The following ASXL1 variants were observed in gnomAD, a reference collection of about 807,000 sequenced individuals.
ASXL1 encodes the protein polycomb group protein ASXL1.
A neutral mutation model predicts 89.1 loss-of-function variants in ASXL1; 65 were observed. The ratio of observed to expected loss-of-function variants is 0.73; its 90% CI spans 0.60 to 0.90. The LOEUF (loss-of-function observed/expected upper bound fraction) is 0.90, where lower values mean the gene tolerates loss of function less well. Among genes scored for constraint, ASXL1 ranks in the 40% least tolerant of loss-of-function variants. The probability of loss-of-function intolerance (pLI) is 0.00; values close to 1 mark genes in which losing one functional copy is unlikely to be tolerated. For missense variants in ASXL1, 1,786 were observed against 1,942.9 expected (o/e 0.92, Z 1.52); for synonymous variants, 739 against 746.9 (o/e 0.99, Z 0.17).
intron 4 of ASXL1, among the ~76,000 whole-genome samples, chr20:32,407,657 G>A (rs142189187): frequency 3.3e-5 from 5 of 152,126 alleles, no homozygotes; most frequent in East Asian, 3.9e-4. Context: ...TAGAGATGAC[G>A]TCTCACTATG....
At chr20:32,415,820 G>A (rs2049128935) in intron 4 of ASXL1, among the ~76,000 whole-genome samples, 1 of 151,706 alleles carries the variant, frequency 6.6e-6, no homozygotes, top group African/African-American at 2.4e-5. Context: ...TTCCCTTATA[G>A]TCATTCTAGT....
rs1256319244 is a variant in ASXL1, at chr20:32,436,380, C to T, written c.3668C>T (p.Ser1223Phe). 4 of 1,613,602 alleles carry T rather than the reference C, an allele frequency of 2.5e-6. No homozygotes were observed. Among genetic ancestry groups the T allele is most frequent in the Non-Finnish European group, 3.4e-6 (4 of 1,180,038 alleles). The change falls in exon 13 of 13, where the codon TCT (serine) becomes TTT (phenylalanine). Residue 1223 changes from serine (S) to phenylalanine (F), a missense_variant. Ser to Phe is a radical substitution (Grantham distance 155). Coordinates refer to ENST00000375687, the MANE Select transcript of ASXL1 (RefSeq NM_015338.6). Reference sequence around the variant, plus strand: ...CCAGTGACAAATCCCATTACATCCTCTAGGAAACTGGAAGAAATGGATTCC... The same window carrying T: ...CCAGTGACAAATCCCATTACATCCTTTAGGAAACTGGAAGAAATGGATTCC... ...LHPVTNPITS[S>F]RKLEEMDSKE...
intron 4 of ASXL1, among the ~76,000 whole-genome samples, chr20:32,384,548 T>C (rs922319248): frequency 6.6e-6 from 1 of 152,164 alleles, no homozygotes; most frequent in Non-Finnish European, 1.5e-5. Flanking sequence ...AAAGGTTCCT[T>C]CTTTGACTAA....
At chr20:32,384,867 A>G (rs2048550913) in intron 4 of ASXL1, among the ~76,000 whole-genome samples, 1 of 152,032 alleles carries the variant, frequency 6.6e-6, no homozygotes, top group African/African-American at 2.4e-5. Flanking sequence ...TTTTTTTGGA[A>G]CAAGAAGGTT....
chr20:32,377,948 T>A (rs147873994), intron 4 of ASXL1, among the ~76,000 whole-genome samples: 2,129 of 142,590 alleles, frequency 0.015, 29 homozygotes, highest in Admixed American at 0.024. Context: ...CCACCGCACC[T>A]GGCCCCAAAA....
chr20:32,415,304 C>T (rs1002219631), intron 4 of ASXL1, among the ~76,000 whole-genome samples: 2 of 152,138 alleles, frequency 1.3e-5, no homozygotes, highest in Non-Finnish European at 2.9e-5. Flanking sequence ...CCACCATGCC[C>T]AGCCTGCGTC....
intron 4 of ASXL1, among the ~76,000 whole-genome samples, chr20:32,383,787 A>T (rs2048530323): frequency 2.0e-5 from 3 of 152,216 alleles, no homozygotes; most frequent in Non-Finnish European, 1.5e-5. Flanking sequence ...GTAAAACGCT[A>T]GTATCCCATG....
At chr20:32,388,401 C>T (rs965808827) in intron 4 of ASXL1, among the ~76,000 whole-genome samples, 1 of 152,246 alleles carries the variant, frequency 6.6e-6, no homozygotes, top group African/African-American at 2.4e-5. Flanking sequence ...GTCTCGAACT[C>T]CTGACCTCAG....
chr20:32,390,830 T>A (rs2048658218), intron 4 of ASXL1, among the ~76,000 whole-genome samples: 1 of 152,238 alleles, frequency 6.6e-6, no homozygotes, highest in Non-Finnish European at 1.5e-5. Context: ...TCTGGCGTCT[T>A]TTACTTAGTG....
chr20:32,377,673 G>A (rs1372961532), intron 4 of ASXL1, among the ~76,000 whole-genome samples: 1 of 151,072 alleles, frequency 6.6e-6, no homozygotes, highest in Non-Finnish European at 1.5e-5. Flanking sequence ...TTTTTTTTGA[G>A]ACGGAGTCTC....
intron 4 of ASXL1, among the ~76,000 whole-genome samples, chr20:32,394,618 GA>G (rs1204048896): frequency 6.6e-6 from 1 of 152,072 alleles, no homozygotes; most frequent in Non-Finnish European, 1.5e-5. Context: ...TTTCCCTTCA[GA>G]CTTTGTGCTA....
rs1267631902 is a variant in ASXL1, at chr20:32,358,539, T to C, written c.-237T>C. The C allele has an allele frequency of 9.2e-6, 2 of 217,708 alleles. No homozygotes were observed. Among genetic ancestry groups the C allele is most frequent in the Non-Finnish European group, 1.8e-5 (2 of 108,320 alleles). The allele number at this position is 217,708 out of a possible 1,614,324, so 13.5% of individuals were successfully genotyped here. ...CGCGGGGCAGCCGCCGCTGCCGCCG[T>C]GGGCGACTGACGCAGCGCGGGCGCG... On this transcript the variant is annotated 5_prime_UTR_variant, in exon 1 of 13. Transcript: ENST00000375687.
rs201649676 is a variant in ASXL1 at position 32,434,640 on chromosome 20, G to T, written c.1928G>T (p.Gly643Val). 593 of 1,607,430 alleles carry T rather than the reference G, an allele frequency of 3.7e-4. No individual in the cohort carries two copies. Among genetic ancestry groups the T allele is most frequent in the Non-Finnish European group, 4.6e-4 (537 of 1,176,860 alleles). The change falls in exon 13 of 13, where the codon GGG becomes GTG. Residue 643 changes from glycine to valine, a missense_variant. By Grantham distance (109) the Gly-to-Val change is moderately radical. Transcript: ENST00000375687. ...HREAATTAIGGGGGPGGGGGG... is the reference protein window; with the variant it reads ...HREAATTAIGVGGGPGGGGGG... ...GAGGCGGCCACCACTGCCATCGGAG[G>T]GGGGGGTGGCCCGGGTGGAGGTGGC...
chr20:32,428,898 T>C lies in ASXL1; in HGVS notation c.472-440T>C, dbSNP rs147261931. 510 of 303,476 alleles carry C rather than the reference T, an allele frequency of 1.7e-3. 2 individuals carry two copies. Among genetic ancestry groups the C allele is most frequent in the Middle Eastern group, 0.015 (13 of 856 alleles). 18.8% of individuals were successfully genotyped at this position (303,476 alleles called of 1,614,324 possible). Reference sequence around the variant, plus strand: ...CTAGTCTCGAATTCCTGACCTCAAGTGGTCTGTCCACCTCAGCCTCCCAAA... The same window carrying C: ...CTAGTCTCGAATTCCTGACCTCAAGCGGTCTGTCCACCTCAGCCTCCCAAA... On this transcript the variant is annotated intron_variant, in intron 6 of 12. Transcript: ENST00000375687.
Position 32,358,729 on chromosome 20 carries a change from CAG to C in ASXL1, c.-46_-45del. On this transcript the variant is annotated 5_prime_UTR_variant, in exon 1 of 13. Transcript: ENST00000375687. ...CCCCGCGCCACCGCCCCAGCCCGCC[CAG>C]CCCGGAGGTCCCGCGTGGAGCTGCC... 26 of 1,245,928 alleles carry C rather than the reference CAG, an allele frequency of 2.1e-5. No homozygotes were observed. The highest frequency in any genetic ancestry group is 2.6e-5 in the Non-Finnish European group (24 of 923,410). 77.2% of individuals were successfully genotyped at this position (1,245,928 alleles called of 1,614,324 possible).
chr20:32,370,677 A>G (rs1040676933), intron 4 of ASXL1, among the ~76,000 whole-genome samples: 1 of 152,168 alleles, frequency 6.6e-6, no homozygotes, highest in African/African-American at 2.4e-5. Flanking sequence ...ACAAATACCA[A>G]CTATATAACA....
intron 1 of ASXL1, among the ~76,000 whole-genome samples, chr20:32,363,526 A>G (rs2048156824): frequency 6.6e-6 from 1 of 152,264 alleles, no homozygotes; most frequent in South Asian, 2.1e-4. Context: ...GTGTTATCAT[A>G]GTTGTATAAA....
intron 3 of ASXL1, among the ~76,000 whole-genome samples, chr20:32,368,123 T>G (rs2048237102): frequency 6.6e-6 from 1 of 152,166 alleles, no homozygotes; most frequent in South Asian, 2.1e-4. Flanking sequence ...GAGGCTTACT[T>G]AAGCTATTTA....
intron 4 of ASXL1, among the ~76,000 whole-genome samples, chr20:32,392,097 C>A (rs1271212347): frequency 6.6e-6 from 1 of 151,670 alleles, no homozygotes; most frequent in Non-Finnish European, 1.5e-5. Flanking sequence ...TGGGTTAAGT[C>A]CACCATCTAG....
Sources: allele counts gnomAD v4.1 joint callset (sites outside exome capture counted in the v4.1 genomes callset), GRCh38; gene constraint gnomAD v4.1.1; transcripts MANE v1.5; gene names NCBI Gene and HGNC (gene_info 2026-07-23, HGNC 2026-07-21).